The following CNOT1 variants were observed in gnomAD, a reference collection of about 807,000 sequenced individuals.
The protein encoded by CNOT1 is CCR4-associated factor 1.
Under a neutral mutation model 273.8 loss-of-function variants are expected in CNOT1, and 15 were observed. That is an observed-to-expected ratio of 0.05 (90% CI 0.04 to 0.08). The LOEUF (loss-of-function observed/expected upper bound fraction) is 0.08, where lower values mean the gene tolerates loss of function less well. CNOT1 is among the 10% of genes least tolerant of loss of function. The pLI is 1.00. For missense variants in CNOT1, 1,644 were observed against 2,912.2 expected (o/e 0.56, Z 10.02); for synonymous variants, 1,022 against 1,005.5 (o/e 1.02, Z -0.31).
In CNOT1 at chr16:58,588,780, C is replaced by G. The variant is rs766155939; in HGVS notation, c.210+19G>C. On this transcript the variant is annotated intron_variant, in intron 3 of 48. Transcript: ENST00000317147. ...ACAATTACAGCTAAGTGGACATGAA[C>G]TCTGTAAGCCCCAAATACCTGATGG... The G allele has an allele frequency of 1.2e-6, 2 of 1,610,816 alleles. No homozygotes were observed. Among genetic ancestry groups the G allele is most frequent in the South Asian group, 2.2e-5 (2 of 90,406 alleles).
At chr16:58,577,826 C>T (rs1049323304) in intron 13 of CNOT1, among the ~76,000 whole-genome samples, 2 of 136,692 alleles carry the variant, frequency 1.5e-5, no homozygotes, top group Non-Finnish European at 3.1e-5. Context: ...GGTGACAGGG[C>T]AAGCAAGATC....
chr16:58,528,271 C>T, intron 44 of CNOT1: 1 of 609,896 alleles, frequency 1.6e-6, no homozygotes, highest in East Asian at 2.8e-5. Context: ...TAGAAAAATG[C>T]TGTGAACCAA....
In CNOT1 at chr16:58,528,748, G is replaced by C. The variant is rs548228254; in HGVS notation, c.6280-100C>G. 3.9e-5 allele frequency: 26 copies of C among 672,146 alleles called. No homozygotes were observed. The South Asian group carries it at 5.7e-4, about 15-fold the overall frequency. 41.6% of individuals were successfully genotyped at this position (672,146 alleles called of 1,614,324 possible). On this transcript the variant is annotated intron_variant, in intron 43 of 48. Transcript: ENST00000317147. ...CCCCCACCCCCCTCAAAAGAATGAA[G>C]TATACTTTAGTAACATTTCTTAAAA...
In CNOT1 at chr16:58,564,143, A is replaced by G. The variant is rs138594912; in HGVS notation, c.1980-3781T>C. ...GTGAAGGATAGGGATAAATATACGAATAAGTATGTATTTGTTTTTAATATA... is the reference window on the plus strand; with the variant it reads ...GTGAAGGATAGGGATAAATATACGAGTAAGTATGTATTTGTTTTTAATATA... On this transcript the variant is annotated intron_variant, in intron 16 of 48. Coordinates refer to ENST00000317147, the MANE Select transcript of CNOT1 (RefSeq NM_016284.5). Among the ~76,000 whole-genome samples the G allele has an allele frequency of 1.2e-3, 181 of 152,292 alleles. 2 individuals are homozygous for G. Among genetic ancestry groups the G allele is most frequent in the South Asian group, 9.8e-3 (47 of 4,820 alleles).
At chr16:58,526,372 T>C (rs551932904) in intron 44 of CNOT1, among the ~76,000 whole-genome samples, 15 of 152,214 alleles carry the variant, frequency 9.9e-5, no homozygotes, top group Non-Finnish European at 1.9e-4. Context: ...AGATACCTTT[T>C]GGGCAAAGGT....
chr16:58,609,513 G>C (rs2042814601), intron 1 of CNOT1, among the ~76,000 whole-genome samples: 1 of 152,158 alleles, frequency 6.6e-6, no homozygotes. Context: ...GCCCAGGCTG[G>C]AGTGCAATGG....
At chr16:58,529,908 A>T (rs1217863796) in intron 43 of CNOT1, among the ~76,000 whole-genome samples, 2 of 151,568 alleles carry the variant, frequency 1.3e-5, no homozygotes, top group Non-Finnish European at 2.9e-5. Flanking sequence ...CCACAATGAG[A>T]TCTCACAGTA....
chr16:58,549,947 A>G (rs1468368719), intron 24 of CNOT1, 49 bp from the exon 25 acceptor site: 1 of 1,606,898 alleles, frequency 6.2e-7, no homozygotes, highest in Admixed American at 1.7e-5. Context: ...CTATGATAAA[A>G]TAACACTTGG....
chr16:58,580,617 G>A lies in CNOT1; in HGVS notation c.1343+16C>T. 3 of 1,597,298 alleles carry A rather than the reference G, an allele frequency of 1.9e-6. No individual in the cohort carries two copies. The highest frequency in any genetic ancestry group is 2.6e-6 in the Non-Finnish European group (3 of 1,174,644). ...AGAAGTAATCTTTTAAATGAAAGAT[G>A]AATCAAAGTGTTTACCATGTGGCAA... On this transcript the variant is annotated intron_variant, in intron 12 of 48. Transcript: ENST00000317147.
chr16:58,523,414 A>T lies in CNOT1; in HGVS notation c.6873T>A (p.Leu2291=). The T allele has an allele frequency of 6.2e-7, 1 of 1,613,958 alleles. No individual in the cohort carries two copies. Among genetic ancestry groups the T allele is most frequent in the South Asian group, 1.1e-5 (1 of 91,064 alleles). ...TGGCTTCCGTATTGGCCTCTGCAAA[A>T]AGGTACAGCATGGTGCAACTGAAGT... ...THYFSCTMLY[L]FAEANTEAIQ... The change falls in exon 47 of 49, where the codon CTT becomes CTA. Residue 2291 remains leucine (L), a synonymous_variant. Transcript: ENST00000317147.
Position 58,523,617 on chromosome 16 carries a change from T to G in CNOT1, c.6785-115A>C, listed in dbSNP as rs2039483007. On this transcript the variant is annotated intron_variant, in intron 46 of 48. Coordinates refer to ENST00000317147, the MANE Select transcript of CNOT1 (RefSeq NM_016284.5). ...AGAGGCTTTCAAATTAATCTTTGGT[T>G]TAAAGCAGTGGTTCTTGGGACCCCA... 6 of 929,736 alleles carry G rather than the reference T, an allele frequency of 6.5e-6. No homozygotes were observed. The East Asian group carries it at 1.5e-4, about 23-fold the overall frequency. The allele number at this position is 929,736 out of a possible 1,614,324, so 57.6% of individuals were successfully genotyped here.
chr16:58,543,543 A>C (rs1209371888), intron 31 of CNOT1, 64 bp downstream of exon 31: 2 of 1,610,716 alleles, frequency 1.2e-6, no homozygotes, highest in Non-Finnish European at 1.7e-6. Flanking sequence ...TAGACAAAGA[A>C]AAAAATTATT....
chr16:58,542,729 C>T (rs2040130614), intron 31 of CNOT1, among the ~76,000 whole-genome samples, 161 bp from the exon 32 acceptor site: 1 of 152,186 alleles, frequency 6.6e-6, no homozygotes, highest in Non-Finnish European at 1.5e-5. Context: ...ACAGTCTTAA[C>T]AGCTTCCTCA....
chr16:58,560,031 T>C (rs1230388606), intron 17 of CNOT1, 181 bp downstream of exon 17: 3 of 1,463,502 alleles, frequency 2.0e-6, no homozygotes, highest in Non-Finnish European at 2.8e-6. Flanking sequence ...ACGTTCTATT[T>C]GATGATAAAA....
At chr16:58,624,052 T>G (rs1171530040) in intron 1 of CNOT1, among the ~76,000 whole-genome samples, 1 of 151,702 alleles carries the variant, frequency 6.6e-6, no homozygotes, top group Non-Finnish European at 1.5e-5. Context: ...GCAAGTTAAC[T>G]GAACAAAAGA....
chr16:58,620,001 C>T (rs912116252), intron 1 of CNOT1, among the ~76,000 whole-genome samples: 1 of 151,972 alleles, frequency 6.6e-6, no homozygotes, highest in African/African-American at 2.4e-5. Context: ...GAACCACCAC[C>T]GATAGATCTT....
rs78738637 is a variant in CNOT1 at position 58,530,411 on chromosome 16, G to A, written c.6178-64C>T. On this transcript the variant is annotated intron_variant, in intron 42 of 48. Transcript: ENST00000317147. ...AGCTGTTTTTCAGCCACTACAAGTC[G>A]CCCAAGCAGCTACACTGACTTATCT... 1.4e-3 allele frequency: 1,617 copies of A among 1,145,914 alleles called. 9 individuals carry two copies. The African/African-American group carries it at 0.015, about 11-fold the overall frequency. The allele number at this position is 1,145,914 out of a possible 1,614,324, so 71.0% of individuals were successfully genotyped here. A position where few individuals can be genotyped will look rare whatever the true frequency, so the allele number is the denominator to read the frequency against.
intron 35 of CNOT1, 39 bp downstream of exon 35, chr16:58,539,729 C>A: frequency 6.4e-7 from 1 of 1,566,128 alleles, no homozygotes; most frequent in Admixed American, 1.9e-5. Flanking sequence ...AATGTTTACA[C>A]ACCTAGCATT....
At chr16:58,553,758 G>A (rs2040535757) in intron 22 of CNOT1, 24 bp downstream of exon 22, 2 of 1,603,468 alleles carry the variant, frequency 1.2e-6, no homozygotes, top group Non-Finnish European at 1.7e-6. Context: ...AGCTATTTGG[G>A]TTTTAGTTAC....
Sources: allele counts gnomAD v4.1 joint callset (sites outside exome capture counted in the v4.1 genomes callset), GRCh38; gene constraint gnomAD v4.1.1; transcripts MANE v1.5; gene names NCBI Gene and HGNC (gene_info 2026-07-23, HGNC 2026-07-21).